The following TNKS variants were observed in gnomAD, a reference collection of about 807,000 sequenced individuals.
The protein encoded by TNKS is poly [ADP-ribose] polymerase tankyrase-1.
In TNKS, 72 loss-of-function variants were observed where a neutral mutation model predicts 135.8. The observed-to-expected ratio is 0.53, with a 90% CI of 0.44 to 0.64. The LOEUF (loss-of-function observed/expected upper bound fraction) is 0.64, where lower values mean the gene tolerates loss of function less well. TNKS is among the 30% of genes least tolerant of loss of function. The pLI, the probability that TNKS is intolerant of heterozygous loss-of-function variation, is 0.00. For missense variants in TNKS, 1,769 were observed against 1,674.0 expected, an observed-to-expected ratio of 1.06 and a Z score of -0.99; for synonymous variants, 849 against 649.3, an observed-to-expected ratio of 1.31 and a Z score of -4.68.
intron 26 of TNKS, among the ~76,000 whole-genome samples, chr8:9,776,255 C>T (rs1808220866): frequency 6.6e-6 from 1 of 152,186 alleles, no homozygotes; most frequent in Non-Finnish European, 1.5e-5. Flanking sequence ...TTAATTTGGA[C>T]TGGATTCAGC....
chr8:9,741,747 A>G (rs1213731004), intron 17 of TNKS: 4 of 528,344 alleles, frequency 7.6e-6, no homozygotes, highest in African/African-American at 1.9e-5. Flanking sequence ...TTGTGGCTCA[A>G]GCGTAATGTA....
intron 2 of TNKS, among the ~76,000 whole-genome samples, chr8:9,580,790 C>A (rs999228035): frequency 6.6e-6 from 1 of 151,970 alleles, no homozygotes; most frequent in Non-Finnish European, 1.5e-5. Flanking sequence ...GTAGTCCCCC[C>A]GCTTATATGG....
chr8:9,730,344 C>T (rs11779335), intron 13 of TNKS, among the ~76,000 whole-genome samples: 106,457 of 151,938 alleles, frequency 0.7, 37,832 homozygotes, highest in Admixed American at 0.8. Flanking sequence ...GGTAAGCAAA[C>T]GTTGCCCCAA....
At chr8:9,618,261 T>A (rs561781534) in intron 3 of TNKS, among the ~76,000 whole-genome samples, 1 of 152,294 alleles carries the variant, frequency 6.6e-6, no homozygotes, top group East Asian at 1.9e-4. Context: ...TATAGAACAT[T>A]TACAAATATG....
Position 9,759,590 on chromosome 8 carries a change from A to G in TNKS, c.3154-1926A>G, listed in dbSNP as rs577036950. ...TGAATAAATATATTAAATATTCTCC[A>G]TTACTCCTCTAGAACATTGTAGAGA... On this transcript the variant is annotated intron_variant, in intron 20 of 26. Coordinates refer to ENST00000310430, the MANE Select transcript of TNKS (RefSeq NM_003747.3). 2.0e-5 allele frequency among the ~76,000 whole-genome samples: 3 copies of G among 152,244 alleles called. No individual in the cohort carries two copies. In the East Asian group the frequency reaches 5.8e-4, roughly 29 times the overall value.
At chr8:9,592,693 A>G (rs1263877773) in intron 2 of TNKS, among the ~76,000 whole-genome samples, 1 of 152,202 alleles carries the variant, frequency 6.6e-6, no homozygotes, top group African/African-American at 2.4e-5. Context: ...TATATTCAAG[A>G]AACGTGTGTG....
At chr8:9,579,825 G>T (rs1367615495) in intron 1 of TNKS, among the ~76,000 whole-genome samples, 1 of 152,162 alleles carries the variant, frequency 6.6e-6, no homozygotes, top group Non-Finnish European at 1.5e-5. Context: ...TCTATATACA[G>T]TTTTGTGTTG....
chr8:9,676,165 C>T (rs1802525686), intron 3 of TNKS, among the ~76,000 whole-genome samples: 1 of 151,962 alleles, frequency 6.6e-6, no homozygotes, highest in Non-Finnish European at 1.5e-5. Flanking sequence ...GCATCCACCA[C>T]CATGCCTGGC....
chr8:9,608,082 A>T (rs775732715), intron 2 of TNKS, among the ~76,000 whole-genome samples: 1 of 152,140 alleles, frequency 6.6e-6, no homozygotes, highest in Non-Finnish European at 1.5e-5. Context: ...CTGGGACCAC[A>T]GGTGCGTGCC....
intron 2 of TNKS, among the ~76,000 whole-genome samples, chr8:9,603,858 T>C (rs7462102): frequency 0.29 from 44,077 of 151,974 alleles, 6,727 homozygotes; most frequent in East Asian, 0.39. Flanking sequence ...TTTTTGTGTC[T>C]CAAATTTAAT....
chr8:9,744,683 C>G (rs1039812891), intron 17 of TNKS, among the ~76,000 whole-genome samples: 2 of 152,134 alleles, frequency 1.3e-5, no homozygotes, highest in South Asian at 4.1e-4. Context: ...TAGAACTGAA[C>G]TGCTATTTAT....
chr8:9,705,990 G>T (rs183014838), intron 6 of TNKS, among the ~76,000 whole-genome samples, 197 bp from the exon 7 acceptor site: 9 of 151,774 alleles, frequency 5.9e-5, no homozygotes, highest in African/African-American at 1.9e-4. Flanking sequence ...TATCTTCAAG[G>T]ATTATATACA....
chr8:9,716,015 T>C (rs2128811006), intron 11 of TNKS, among the ~76,000 whole-genome samples: 1 of 152,334 alleles, frequency 6.6e-6, no homozygotes, highest in Middle Eastern at 3.4e-3. Flanking sequence ...GTTTAATTCA[T>C]AAATGCATTT....
chr8:9,733,005 T>A (rs1008556305), intron 14 of TNKS, among the ~76,000 whole-genome samples: 2 of 152,196 alleles, frequency 1.3e-5, no homozygotes, highest in African/African-American at 4.8e-5. Context: ...CAATTTTCAT[T>A]AGCGAAACTC....
chr8:9,693,564 G>A (rs1803377214), intron 5 of TNKS, among the ~76,000 whole-genome samples: 1 of 152,064 alleles, frequency 6.6e-6, no homozygotes, highest in South Asian at 2.1e-4. Context: ...ATTGGGGAGA[G>A]GATGGTGAAT....
intron 3 of TNKS, among the ~76,000 whole-genome samples, chr8:9,652,574 G>A (rs1221275190): frequency 6.6e-6 from 1 of 152,066 alleles, no homozygotes; most frequent in Non-Finnish European, 1.5e-5. Context: ...GTGGAGTGTG[G>A]AGAAATCTGT....
Position 9,776,854 on chromosome 8 carries a change from T to C in TNKS, c.*118T>C. On this transcript the variant is annotated 3_prime_UTR_variant, in exon 27 of 27. Coordinates refer to ENST00000310430, the MANE Select transcript of TNKS (RefSeq NM_003747.3). ...CCCTGACAGCCTAGAAATAAGCTGT[T>C]TGTCTTCTATAAAGCATTGCTATAG... 2.2e-6 allele frequency: 2 copies of C among 927,980 alleles called. No homozygotes were observed. Among genetic ancestry groups the C allele is most frequent in the East Asian group, 2.6e-5 (1 of 38,616 alleles). 57.5% of individuals were successfully genotyped at this position (927,980 alleles called of 1,614,324 possible).
At chr8:9,663,550 G>A (rs765946160) in intron 3 of TNKS, among the ~76,000 whole-genome samples, 2 of 152,106 alleles carry the variant, frequency 1.3e-5, no homozygotes, top group Non-Finnish European at 2.9e-5. Flanking sequence ...TGGAATTAAC[G>A]TCAGATCCAG....
chr8:9,740,413 C>G (rs564132921), intron 17 of TNKS, among the ~76,000 whole-genome samples: 1 of 152,290 alleles, frequency 6.6e-6, no homozygotes, highest in South Asian at 2.1e-4. Context: ...ACCTTGATTA[C>G]CATATTCTTC....
Sources: allele counts gnomAD v4.1 joint callset (sites outside exome capture counted in the v4.1 genomes callset), GRCh38; gene constraint gnomAD v4.1.1; transcripts MANE v1.5; gene names NCBI Gene and HGNC (gene_info 2026-07-23, HGNC 2026-07-21).